SUPT3H: variants seen among roughly 807,000 people sequenced by gnomAD.
SUPT3H encodes the protein SPT3 homolog, SAGA and STAGA complex component, also known as transcription initiation protein SPT3 homolog.
In SUPT3H, 44 loss-of-function variants were observed where a neutral mutation model predicts 44.3. That is an observed-to-expected ratio of 0.99 (90% CI 0.78 to 1.28). The LOEUF (loss-of-function observed/expected upper bound fraction) is 1.28, where lower values mean the gene tolerates loss of function less well. SUPT3H is among the 50% of genes most tolerant of loss of function. The probability of loss-of-function intolerance (pLI) is 0.00; values close to 1 mark genes in which losing one functional copy is unlikely to be tolerated. For missense variants in SUPT3H, 380 were observed against 387.1 expected (o/e 0.98, Z 0.15); for synonymous variants, 124 against 125.6 (o/e 0.99, Z 0.09).
At chr6:45,210,299 C>A (rs1761283425) in intron 2 of SUPT3H, among the ~76,000 whole-genome samples, 1 of 152,144 alleles carries the variant, frequency 6.6e-6, no homozygotes, top group South Asian at 2.1e-4. Flanking sequence ...AGACAAAGGA[C>A]AGACAGAACT....
At chr6:45,370,828 T>A (rs567544999) in intron 1 of SUPT3H, among the ~76,000 whole-genome samples, 1 of 151,290 alleles carries the variant, frequency 6.6e-6, no homozygotes, top group Non-Finnish European at 1.5e-5. Context: ...GACACAGGAG[T>A]TTCTAGCATA....
intron 3 of SUPT3H, among the ~76,000 whole-genome samples, chr6:45,085,864 C>T (rs991700290): frequency 2.6e-5 from 4 of 151,902 alleles, no homozygotes; most frequent in East Asian, 1.9e-4. Flanking sequence ...AGGTATTACA[C>T]GAATTATAAA....
intron 2 of SUPT3H, chr6:45,158,807 A>T (rs1459981299): frequency 6.6e-6 from 1 of 152,138 alleles, no homozygotes; most frequent in Non-Finnish European, 1.5e-5. Context: ...TACCAAGAAT[A>T]TGTAGGTAAT....
At chr6:45,109,371 C>A (rs920507990) in intron 2 of SUPT3H, among the ~76,000 whole-genome samples, 36 of 152,024 alleles carry the variant, frequency 2.4e-4, no homozygotes, top group Admixed American at 9.8e-4. Flanking sequence ...GCAAAGTTAT[C>A]AACGCTAAAT....
intron 10 of SUPT3H, among the ~76,000 whole-genome samples, chr6:44,889,102 C>T (rs1165654929): frequency 6.6e-6 from 1 of 151,340 alleles, no homozygotes; most frequent in African/African-American, 2.4e-5. Flanking sequence ...AACCACTGCT[C>T]AATGAAATAA....
At chr6:44,914,025 T>C (rs1767447485) in intron 10 of SUPT3H, among the ~76,000 whole-genome samples, 1 of 152,204 alleles carries the variant, frequency 6.6e-6, no homozygotes, top group African/African-American at 2.4e-5. Flanking sequence ...TTACAAAGAA[T>C]AATATTCTAT....
At chr6:44,865,185 C>G (rs554160366) in intron 10 of SUPT3H, among the ~76,000 whole-genome samples, 1 of 152,346 alleles carries the variant, frequency 6.6e-6, no homozygotes, top group South Asian at 2.1e-4. Flanking sequence ...CCATCTGAGA[C>G]CACCTCAGCG....
chr6:44,917,682 C>A (rs1296966887), intron 10 of SUPT3H, among the ~76,000 whole-genome samples: 1 of 152,146 alleles, frequency 6.6e-6, no homozygotes, highest in South Asian at 2.1e-4. Context: ...TACCTCCAGG[C>A]TAGGTGGGAC....
chr6:45,084,307 T>C (rs568488599), intron 3 of SUPT3H, among the ~76,000 whole-genome samples: 7 of 151,966 alleles, frequency 4.6e-5, no homozygotes, highest in African/African-American at 1.7e-4. Flanking sequence ...AAGAAACAAA[T>C]GATCCCATTA....
intron 3 of SUPT3H, among the ~76,000 whole-genome samples, chr6:45,069,702 CA>C (rs1307892819): frequency 6.6e-6 from 1 of 151,926 alleles, no homozygotes; most frequent in African/African-American, 2.4e-5. Context: ...AGGAAACCAC[CA>C]AAAAATCCAT....
intron 10 of SUPT3H, among the ~76,000 whole-genome samples, chr6:44,912,898 C>G (rs1404334490): frequency 6.6e-6 from 1 of 152,148 alleles, no homozygotes; most frequent in East Asian, 1.9e-4. Flanking sequence ...TCTCTCTTCT[C>G]CAGTGTCTAA....
Position 45,206,792 on chromosome 6 carries a change from T to C in SUPT3H, c.102-100786A>G, listed in dbSNP as rs1763281337. On this transcript the variant is annotated intron_variant, in intron 2 of 10. Transcript: ENST00000371459. ...TTTTGACCTGCTGGAAGTAAAGAAT[T>C]GCCAAATAGATTGCTGAGATGAGGG... Among the ~76,000 whole-genome samples the C allele has an allele frequency of 4.6e-5, 7 of 152,216 alleles. No homozygotes were observed. The South Asian group carries it at 1.5e-3, about 32-fold the overall frequency.
intron 3 of SUPT3H, among the ~76,000 whole-genome samples, chr6:45,053,447 T>C (rs551732639): frequency 3.9e-5 from 6 of 152,062 alleles, no homozygotes; most frequent in African/African-American, 1.4e-4. Flanking sequence ...TACCCCAAAA[T>C]ATGGCACTTC....
At position 44,827,872 on chromosome 6, in the gene SUPT3H, C is replaced by T. The variant is rs568114548; in HGVS notation, c.*1944G>A. ...TTTATATGAACTTACTGGGCAAAAC[C>T]AGATTTTATAAATAATTACCTGTCA... is the stretch of plus-strand genomic sequence containing the variant. On this transcript the variant is annotated 3_prime_UTR_variant, in exon 11 of 11. Coordinates refer to ENST00000371459, the MANE Select transcript of SUPT3H (RefSeq NM_003599.4). Among the ~76,000 whole-genome samples the T allele has an allele frequency of 1.3e-5, 2 of 152,148 alleles. No individual in the cohort carries two copies. Among genetic ancestry groups the T allele is most frequent in the South Asian group, 4.1e-4 (2 of 4,822 alleles).
chr6:44,924,526 T>C (rs140929408), intron 10 of SUPT3H, among the ~76,000 whole-genome samples: 26 of 152,190 alleles, frequency 1.7e-4, no homozygotes, highest in Admixed American at 3.3e-4. Flanking sequence ...GAGTTAAGAA[T>C]ACAGGTCAAC....
intron 2 of SUPT3H, among the ~76,000 whole-genome samples, chr6:45,287,110 G>A (rs1779435494): frequency 6.6e-6 from 1 of 152,096 alleles, no homozygotes; most frequent in Non-Finnish European, 1.5e-5. Flanking sequence ...GAGGAGAGGG[G>A]AGGGATAGCA....
intron 5 of SUPT3H, among the ~76,000 whole-genome samples, chr6:45,005,156 C>T (rs766822535): frequency 6.6e-6 from 1 of 152,088 alleles, no homozygotes; most frequent in Non-Finnish European, 1.5e-5. Flanking sequence ...TGAGGAATGC[C>T]TTGTCTCTCC....
chr6:44,926,073 G>A (rs758406458), intron 10 of SUPT3H, among the ~76,000 whole-genome samples: 25 of 151,980 alleles, frequency 1.6e-4, no homozygotes, highest in Non-Finnish European at 2.8e-4. Flanking sequence ...AGAAAGACCC[G>A]CGATACGCTT....
At chr6:45,220,661 T>C (rs1037898524) in intron 2 of SUPT3H, among the ~76,000 whole-genome samples, 2 of 152,164 alleles carry the variant, frequency 1.3e-5, no homozygotes, top group Non-Finnish European at 2.9e-5. Context: ...ATGACATTAC[T>C]GTCTGCATAG....
Sources: gnomAD v4.1 joint callset for allele counts (sites outside exome capture counted in the v4.1 genomes callset) on GRCh38, gnomAD v4.1.1 for gene constraint, MANE v1.5 for transcripts, NCBI Gene and HGNC (gene_info 2026-07-23, HGNC 2026-07-21) for gene names.